MACROD1: variants seen among roughly 807,000 people sequenced by gnomAD.
MACROD1 encodes the protein mono-ADP ribosylhydrolase 1.
MACROD1 carries 31 observed loss-of-function variants against 41.4 expected under a neutral mutation model. That is an observed-to-expected ratio of 0.75 (90% CI 0.56 to 1.01). The LOEUF (loss-of-function observed/expected upper bound fraction) is 1.01. Among genes scored for constraint, MACROD1 ranks in the 50% least tolerant of loss-of-function variants. The probability of loss-of-function intolerance (pLI) is 0.00; values close to 1 mark genes in which losing one functional copy is unlikely to be tolerated. For missense variants in MACROD1, 473 were observed against 460.0 expected (o/e 1.03, Z -0.26); for synonymous variants, 252 against 203.4 (o/e 1.24, Z -2.03).
At chr11:64,130,203 C>T (rs975870569) in intron 3 of MACROD1, among the ~76,000 whole-genome samples, 8 of 152,188 alleles carry the variant, frequency 5.3e-5, no homozygotes, top group African/African-American at 1.9e-4. Context: ...ATTAGGGGCA[C>T]GTGTGGGTAA....
At chr11:64,057,004 G>A (rs1163471478) in intron 3 of MACROD1, among the ~76,000 whole-genome samples, 1 of 152,142 alleles carries the variant, frequency 6.6e-6, no homozygotes, top group Non-Finnish European at 1.5e-5. Context: ...CAGCTTCTGC[G>A]CCCGTGTCAC....
chr11:64,059,933 T>C (rs1484496574), intron 3 of MACROD1, among the ~76,000 whole-genome samples: 1 of 151,454 alleles, frequency 6.6e-6, no homozygotes, highest in African/African-American at 2.4e-5. Flanking sequence ...CCTGAGCAGC[T>C]GGGGCGCTTG....
chr11:64,048,461 G>GT (rs1026886663), intron 3 of MACROD1, among the ~76,000 whole-genome samples: 1 of 152,188 alleles, frequency 6.6e-6, no homozygotes, highest in African/African-American at 2.4e-5. Context: ...TTGCCAGGCT[G>GT]TGGTTGCCAG....
chr11:64,165,286 G>A (rs570683941), intron 1 of MACROD1, among the ~76,000 whole-genome samples: 13 of 152,314 alleles, frequency 8.5e-5, no homozygotes, highest in African/African-American at 3.1e-4. Context: ...GGAGAGTCCG[G>A]GATCATAACC....
chr11:64,005,982 G>A (rs979702901), intron 4 of MACROD1, among the ~76,000 whole-genome samples: 3 of 152,212 alleles, frequency 2.0e-5, no homozygotes, highest in Middle Eastern at 3.2e-3. Context: ...GCCAAGCCTC[G>A]GTGCAGCCCA....
intron 3 of MACROD1, among the ~76,000 whole-genome samples, chr11:64,105,024 AT>A (rs1418678330): frequency 6.6e-6 from 1 of 152,206 alleles, no homozygotes; most frequent in African/African-American, 2.4e-5. Flanking sequence ...AGAGGGGTTG[AT>A]TTATGATTGC....
chr11:64,036,389 G>A lies in MACROD1; in HGVS notation c.518-21108C>T, dbSNP rs1323603659. ...TAGCGGTGGCGCTGGCCCCGCCGCGGGGAGGCGCGGGGTGCGCGGCCGGCG... is the reference window on the plus strand; with the variant it reads ...TAGCGGTGGCGCTGGCCCCGCCGCGAGGAGGCGCGGGGTGCGCGGCCGGCG... On this transcript the variant is annotated intron_variant, in intron 3 of 10. Coordinates refer to ENST00000255681, the MANE Select transcript of MACROD1 (RefSeq NM_014067.4). This position sits in a 1 kb window ranked among gnomAD's most constrained non-coding sequence, Gnocchi z 5.6. 6.6e-6 allele frequency among the ~76,000 whole-genome samples: 1 copy of A among 152,136 alleles called. No individual in the cohort carries two copies. Among genetic ancestry groups the A allele is most frequent in the African/African-American group, 2.4e-5 (1 of 41,456 alleles).
chr11:63,999,864 TCCC>T, intron 5 of MACROD1, 101 bp from the exon 6 acceptor site: 1 of 1,323,120 alleles, frequency 7.6e-7, no homozygotes, highest in Non-Finnish European at 1.0e-6. Context: ...GAAACACCTT[TCCC>T]CCCAAGCGCT....
chr11:64,148,835 G>C, intron 3 of MACROD1: 1 of 985,690 alleles, frequency 1.0e-6, no homozygotes, highest in Non-Finnish European at 1.2e-6. Flanking sequence ...GGTGGGCACA[G>C]GGGCTGGGGT....
chr11:64,162,104 G>A (rs926522973), intron 1 of MACROD1, among the ~76,000 whole-genome samples: 4 of 151,452 alleles, frequency 2.6e-5, no homozygotes, highest in Non-Finnish European at 5.9e-5. Flanking sequence ...CACTTTGGGA[G>A]GCCGAGGTGG....
At chr11:64,015,644 C>T (rs1943071437) in intron 3 of MACROD1, among the ~76,000 whole-genome samples, 1 of 152,188 alleles carries the variant, frequency 6.6e-6, no homozygotes. Flanking sequence ...GGCGCCAGGC[C>T]TGGTGCAGAG....
At chr11:64,084,635 C>T (rs1023122058) in intron 3 of MACROD1, among the ~76,000 whole-genome samples, 4 of 152,196 alleles carry the variant, frequency 2.6e-5, no homozygotes, top group African/African-American at 4.8e-5. Context: ...AGGGACCCAG[C>T]GCATGGCAGT....
At chr11:64,139,741 G>A (rs529239286) in intron 3 of MACROD1, among the ~76,000 whole-genome samples, 1 of 151,902 alleles carries the variant, frequency 6.6e-6, no homozygotes, top group East Asian at 1.9e-4. Context: ...CGGATCACGA[G>A]GTCAGGAGAT....
chr11:64,040,859 G>A, intron 3 of MACROD1, among the ~76,000 whole-genome samples: 1 of 152,088 alleles, frequency 6.6e-6, no homozygotes, highest in East Asian at 1.9e-4. Context: ...CTAGCCACTA[G>A]GGGACACTGC....
chr11:64,016,834 G>A (rs1018869479), intron 3 of MACROD1, among the ~76,000 whole-genome samples: 4 of 152,246 alleles, frequency 2.6e-5, no homozygotes, highest in East Asian at 1.9e-4. Context: ...AGCCGAAGCC[G>A]GAGCTGGAGC....
chr11:64,079,220 C>T lies in MACROD1; in HGVS notation c.518-63939G>A, dbSNP rs567390892. Among the ~76,000 whole-genome samples the T allele has an allele frequency of 2.1e-3, 321 of 151,828 alleles. 1 individual carries two copies. Among genetic ancestry groups the T allele is most frequent in the Non-Finnish European group, 1.7e-3 (114 of 67,888 alleles). On this transcript the variant is annotated intron_variant, in intron 3 of 10. Transcript: ENST00000255681. ...GGAAGAGGGTGTGTAGGGAGCCCCA[C>T]GGCCCCTTCCTGCTCTGGCATGTGG... is the stretch of plus-strand genomic sequence containing the variant.
intron 3 of MACROD1, among the ~76,000 whole-genome samples, chr11:64,063,347 G>A (rs1943938600): frequency 1.3e-5 from 2 of 152,260 alleles, no homozygotes; most frequent in African/African-American, 4.8e-5. Context: ...GTGCAGGGAG[G>A]TGCCACACAC....
chr11:64,109,303 G>A (rs529322934), intron 3 of MACROD1, among the ~76,000 whole-genome samples: 1 of 152,316 alleles, frequency 6.6e-6, no homozygotes, highest in Non-Finnish European at 1.5e-5. Context: ...ACCACGAGGG[G>A]TGGGGAAGAA....
chr11:63,999,107 T>A, intron 8 of MACROD1, 71 bp from the exon 9 acceptor site: 3 of 1,437,420 alleles, frequency 2.1e-6, no homozygotes, highest in Non-Finnish European at 2.8e-6. Context: ...CTGCCTGCCC[T>A]GGTGCAGGCT....
Sources: allele counts gnomAD v4.1 joint callset (sites outside exome capture counted in the v4.1 genomes callset), GRCh38; gene constraint gnomAD v4.1.1; non-coding constraint Gnocchi (gnomAD v3.1); transcripts MANE v1.5; gene names NCBI Gene and HGNC (gene_info 2026-07-23, HGNC 2026-07-21).